SYNJ1: variants seen among roughly 807,000 people sequenced by gnomAD.
SYNJ1 encodes the protein synaptojanin 1, also known as polyphosphatidylinositol phosphatase SYNJ1.
Under a neutral mutation model 168.2 loss-of-function variants are expected in SYNJ1, and 78 were observed. The observed-to-expected ratio is 0.46, with a 90% CI of 0.39 to 0.56. The LOEUF is 0.56. Ranked by LOEUF, SYNJ1 falls within the 20% of genes least tolerant of loss-of-function variation. The pLI is 0.00. For synonymous variants in SYNJ1, 539 were observed against 548.6 expected, an observed-to-expected ratio of 0.98 and a Z score of 0.24; for missense variants, 1,303 against 1,597.6, an observed-to-expected ratio of 0.82 and a Z score of 3.14.
At chr21:32,709,652 G>T (rs1308375220) in intron 2 of SYNJ1, among the ~76,000 whole-genome samples, 7 of 151,298 alleles carry the variant, frequency 4.6e-5, no homozygotes, top group Non-Finnish European at 1.0e-4. Flanking sequence ...CGAGTAGCTG[G>T]GATTACAGGT....
rs1048701614 is a variant in SYNJ1 at position 32,628,889 on chromosome 21, T to G, written c.*2916A>C. The G allele has an allele frequency of 2.6e-5, 4 of 152,668 alleles. No homozygotes were observed. Among genetic ancestry groups the G allele is most frequent in the Non-Finnish European group, 5.9e-5 (4 of 68,046 alleles). The allele number at this position is 152,668 out of a possible 1,614,324, so 9.5% of individuals were successfully genotyped here. A position where few individuals can be genotyped will look rare whatever the true frequency, so the allele number is the denominator to read the frequency against. The stretch of plus-strand genomic sequence containing the variant: ...ATAGTTATAAATATTGTATGCCACA[T>G]AAGCAATAAAATTCTTACATATAAA... On this transcript the variant is annotated 3_prime_UTR_variant, in exon 33 of 33. Transcript: ENST00000674351.
chr21:32,646,587 T>C lies in SYNJ1; in HGVS notation c.3053A>G (p.Tyr1018Cys), dbSNP rs775685969. 4 of 1,613,936 alleles carry C rather than the reference T, an allele frequency of 2.5e-6. No individual in the cohort carries two copies. The highest frequency in any genetic ancestry group is 1.3e-5 in the African/African-American group (1 of 74,920). ...AAGAAGTTCCTCCACTTCAGCACTATAGTCATCAACATCACCTAAGGAAAA... is the reference window on the plus strand; with the variant it reads ...AAGAAGTTCCTCCACTTCAGCACTACAGTCATCAACATCACCTAAGGAAAA... ...DFDMEGDVDD[Y>C]SAEVEELLPQ... is the part of the protein sequence containing the mutation. Residue 1018 changes from tyrosine to cysteine, a missense_variant, in exon 24 of 33, where the codon TAT becomes TGT. Tyr to Cys is a radical substitution (Grantham distance 194, BLOSUM62 -2). Coordinates refer to ENST00000674351, the MANE Select transcript of SYNJ1 (RefSeq NM_203446.3).
intron 18 of SYNJ1, among the ~76,000 whole-genome samples, chr21:32,661,156 G>A (rs537903693): frequency 2.6e-5 from 4 of 152,288 alleles, no homozygotes; most frequent in African/African-American, 4.8e-5. Context: ...AGCCACAGTC[G>A]TACTGGCCAT....
At chr21:32,645,429 A>C (rs2040017788) in intron 25 of SYNJ1, among the ~76,000 whole-genome samples, 1 of 152,242 alleles carries the variant, frequency 6.6e-6, no homozygotes. Flanking sequence ...GAAGGCAGCT[A>C]AAGGCAGCTG....
At position 32,687,011 on chromosome 21, in the gene SYNJ1, C is replaced by T; in HGVS notation, c.915G>A (p.Lys305=). The T allele has an allele frequency of 1.3e-6, 2 of 1,549,832 alleles. No individual in the cohort carries two copies. Among genetic ancestry groups the T allele is most frequent in the Non-Finnish European group, 1.7e-6 (2 of 1,154,430 alleles). The change falls in exon 8 of 33, where the codon AAG becomes AAA. Residue 305 remains lysine, a synonymous_variant. Coordinates refer to ENST00000674351, the MANE Select transcript of SYNJ1 (RefSeq NM_203446.3). ...CTTTACTTAGCATATGTTCACCTTC[C>T]TTAGATCCAAGCAAATTTACTATTA... ...KQIIVNLLGS[K]EGEHMLSKAF... is the part of the protein sequence containing the mutation.
intron 2 of SYNJ1, among the ~76,000 whole-genome samples, chr21:32,724,908 T>C (rs753751246): frequency 1.3e-5 from 2 of 152,224 alleles, no homozygotes; most frequent in Non-Finnish European, 2.9e-5. Context: ...ATTGCTCACA[T>C]AGTCTAAATC....
chr21:32,702,045 A>T lies in SYNJ1; in HGVS notation c.127T>A (p.Ser43Thr). Residue 43 changes from serine to threonine, a missense_variant and splice_region_variant, in exon 3 of 33, where the codon TCT becomes ACT. Around this residue, in one of 2 missense-constraint regions of SYNJ1, gnomAD observed 920 missense variants for 1,208.8 expected, o/e 0.76. Transcript: ENST00000674351. ...CCCTTGATTGCCTCTTTTTCTGCAG[A>T]TGCTACAAAAAAAAGTTTTAGTTTA... is the stretch of plus-strand genomic sequence containing the variant. ...FESGAVAVLS[S>T]AEKEAIKGTY... 1 of 1,549,852 alleles carries T rather than the reference A, an allele frequency of 6.5e-7. No homozygotes were observed. The highest frequency in any genetic ancestry group is 2.3e-5 in the East Asian group (1 of 43,940).
Position 32,726,922 on chromosome 21 carries a change from G to T in SYNJ1, c.-22-5C>A. On this transcript the variant is annotated splice_region_variant and splice_polypyrimidine_tract_variant and intron_variant, in intron 1 of 32. Transcript: ENST00000674351. ...CTCCTTTCTTCGGAGGCAGCCCTGCGAAAACCAAGCAAAGCAAAGCAAATG... is the reference window on the plus strand; with the variant it reads ...CTCCTTTCTTCGGAGGCAGCCCTGCTAAAACCAAGCAAAGCAAAGCAAATG... 1 of 1,613,710 alleles carries T rather than the reference G, an allele frequency of 6.2e-7. No individual in the cohort carries two copies.
Position 32,671,249 on chromosome 21 carries a change from G to A in SYNJ1, c.1727-877C>T, listed in dbSNP as rs565423931. 3.9e-5 allele frequency among the ~76,000 whole-genome samples: 6 copies of A among 151,960 alleles called. No individual in the cohort carries two copies. In the East Asian group the frequency reaches 1.2e-3, roughly 29 times the overall value. ...TTGAGCCCAGGAGTTTGAGGTTATC[G>A]TGACCTATGATATGGAGACTGCACC... On this transcript the variant is annotated intron_variant, in intron 14 of 32. Coordinates refer to ENST00000674351, the MANE Select transcript of SYNJ1 (RefSeq NM_203446.3).
chr21:32,635,358 G>A (rs999686063), intron 31 of SYNJ1, among the ~76,000 whole-genome samples: 6 of 152,172 alleles, frequency 3.9e-5, no homozygotes, highest in Non-Finnish European at 2.9e-5. Flanking sequence ...AGACACCAGA[G>A]AGCGTGTGCA....
At chr21:32,705,590 G>T (rs1601489308) in intron 2 of SYNJ1, among the ~76,000 whole-genome samples, 2 of 152,130 alleles carry the variant, frequency 1.3e-5, no homozygotes, top group East Asian at 3.9e-4. Context: ...ATAAGCCTAT[G>T]AATTGAAAGT....
chr21:32,721,548 G>T (rs375875196), intron 2 of SYNJ1, among the ~76,000 whole-genome samples: 1 of 151,774 alleles, frequency 6.6e-6, no homozygotes, highest in African/African-American at 2.4e-5. Context: ...GTGTGGTGGG[G>T]GGCGCCTGTG....
At chr21:32,728,221 G>T, upstream of SYNJ1, 1 of 659,116 alleles carries the variant, frequency 1.5e-6, no homozygotes, top group Non-Finnish European at 2.4e-6. Context: ...CGATCCCACC[G>T]CCGGGGGTGC....
In SYNJ1 at chr21:32,682,342, A is replaced by G. The variant is rs978531981; in HGVS notation, c.1201-694T>C. ...CTGACAGAGTCAATGTTCGATCTTT[A>G]TCCAATCTGTGTATTTGGAATCTAG... On this transcript the variant is annotated intron_variant, in intron 10 of 32. Transcript: ENST00000674351. Among the ~76,000 whole-genome samples the G allele has an allele frequency of 1.2e-4, 18 of 152,320 alleles. No individual in the cohort carries two copies. In the East Asian group the frequency reaches 3.5e-3, roughly 29 times the overall value.
chr21:32,716,143 T>G (rs2043015890), intron 2 of SYNJ1, among the ~76,000 whole-genome samples: 1 of 152,232 alleles, frequency 6.6e-6, no homozygotes, highest in African/African-American at 2.4e-5. Context: ...GTAAAAATCA[T>G]GCACAATTTT....
At chr21:32,673,610 T>C in intron 13 of SYNJ1, 79 bp from the exon 14 acceptor site, 1 of 1,263,168 alleles carries the variant, frequency 7.9e-7, no homozygotes, top group African/African-American at 1.5e-5. Context: ...TGAGATACGA[T>C]GTCCGCTGGA....
Position 32,645,632 on chromosome 21 carries a change from T to TAA in SYNJ1, c.3391+12_3391+13dup. 2 of 1,518,728 alleles carry TAA rather than the reference T, an allele frequency of 1.3e-6. No homozygotes were observed. Among genetic ancestry groups the TAA allele is most frequent in the Non-Finnish European group, 1.8e-6 (2 of 1,140,806 alleles). The allele number at this position is 1,518,728 out of a possible 1,614,324, so 94.1% of individuals were successfully genotyped here. On this transcript the variant is annotated intron_variant, in intron 25 of 32. Coordinates refer to ENST00000674351, the MANE Select transcript of SYNJ1 (RefSeq NM_203446.3). ...ATTTTACATCTAGCAGAAATGGAAA[T>TAA]AAAAGGTTGTCACCTGAAGGCGGAG...
chr21:32,722,312 A>G (rs2043275211), intron 2 of SYNJ1, among the ~76,000 whole-genome samples: 1 of 151,178 alleles, frequency 6.6e-6, no homozygotes, highest in East Asian at 1.9e-4. Flanking sequence ...GCACTTTGGG[A>G]GGCCAAGGCA....
At chr21:32,703,482 C>T (rs1004125499) in intron 2 of SYNJ1, among the ~76,000 whole-genome samples, 3 of 152,100 alleles carry the variant, frequency 2.0e-5, no homozygotes, top group Non-Finnish European at 2.9e-5. Context: ...TAAATACTGC[C>T]TCGTTAAGAG....
Sources: allele counts gnomAD v4.1 joint callset (sites outside exome capture counted in the v4.1 genomes callset), GRCh38; gene constraint gnomAD v4.1.1; regional missense constraint gnomAD v4.1.1; transcripts MANE v1.5; gene names NCBI Gene and HGNC (gene_info 2026-07-23, HGNC 2026-07-21).